CEP170: variants seen among roughly 807,000 people sequenced by gnomAD.
CEP170 encodes centrosomal protein 170.
Under a neutral mutation model 151.9 loss-of-function variants are expected in CEP170, and 21 were observed. The ratio of observed to expected loss-of-function variants is 0.14; its 90% CI spans 0.10 to 0.20. The LOEUF is 0.20. Among genes scored for constraint, CEP170 ranks in the 10% least tolerant of loss-of-function variants. The probability of loss-of-function intolerance (pLI) is 1.00; values close to 1 mark genes in which losing one functional copy is unlikely to be tolerated. For missense variants in CEP170, 964 were observed against 1,892.9 expected, an observed-to-expected ratio of 0.51 and a Z score of 9.11; for synonymous variants, 356 against 648.8, an observed-to-expected ratio of 0.55 and a Z score of 6.86.
intron 6 of CEP170, among the ~76,000 whole-genome samples, chr1:243,199,965 CTCTGAA>C (rs1467594966): frequency 6.6e-6 from 1 of 151,822 alleles, no homozygotes; most frequent in African/African-American, 2.4e-5. Context: ...ACAGTTAACC[CTCTGAA>C]TCTGTAGGTT....
intron 15 of CEP170, among the ~76,000 whole-genome samples, chr1:243,140,831 A>T (rs1333609163): frequency 1.3e-5 from 2 of 152,330 alleles, no homozygotes; most frequent in Non-Finnish European, 2.9e-5. Context: ...ACTGGGTCTG[A>T]GTGAATGTAT....
chr1:243,227,461 A>T (rs762507887), intron 1 of CEP170, among the ~76,000 whole-genome samples: 7 of 152,224 alleles, frequency 4.6e-5, no homozygotes, highest in Non-Finnish European at 1.0e-4. Flanking sequence ...AAACCACAGC[A>T]CTTTGGTATA....
intron 14 of CEP170, among the ~76,000 whole-genome samples, chr1:243,154,621 G>C (rs754869339): frequency 4.6e-5 from 7 of 152,172 alleles, no homozygotes; most frequent in Non-Finnish European, 1.0e-4. Context: ...CAAACTAGAG[G>C]GATAAGGCAT....
intron 10 of CEP170, among the ~76,000 whole-genome samples, chr1:243,175,679 A>G (rs1178701707): frequency 6.6e-6 from 1 of 152,176 alleles, no homozygotes; most frequent in African/African-American, 2.4e-5. Flanking sequence ...CTCACCTTTC[A>G]TTTTAGATTC....
In CEP170 at chr1:243,126,180, T is replaced by C. The variant is rs1234289911; in HGVS notation, c.*269A>G. 1 of 539,588 alleles carries C rather than the reference T, an allele frequency of 1.9e-6. No individual in the cohort carries two copies. The highest frequency in any genetic ancestry group is 3.5e-6 in the Non-Finnish European group (1 of 281,998). The allele number at this position is 539,588 out of a possible 1,614,324, so 33.4% of individuals were successfully genotyped here. ...TCTATGAAGGGAAAGGGTGTAATCATTAAATTCAATTTGAAAATCATAAAA... is the reference window on the plus strand; with the variant it reads ...TCTATGAAGGGAAAGGGTGTAATCACTAAATTCAATTTGAAAATCATAAAA... On this transcript the variant is annotated 3_prime_UTR_variant, in exon 20 of 20. Coordinates refer to ENST00000366542, the MANE Select transcript of CEP170 (RefSeq NM_014812.3).
chr1:243,227,356 C>T (rs1558649830), intron 1 of CEP170, among the ~76,000 whole-genome samples: 1 of 152,066 alleles, frequency 6.6e-6, no homozygotes, highest in Non-Finnish European at 1.5e-5. Flanking sequence ...CAAAATGTGT[C>T]TCTCAGTCAT....
chr1:243,168,975 T>C lies in CEP170; in HGVS notation c.1843+653A>G, dbSNP rs570965866. Among the ~76,000 whole-genome samples the C allele has an allele frequency of 1.5e-3, 213 of 139,726 alleles. 1 individual carries two copies. Among genetic ancestry groups the C allele is most frequent in the African/African-American group, 5.6e-3 (208 of 36,844 alleles). 91.7% of individuals were successfully genotyped at this position (139,726 alleles called of 152,430 possible). On this transcript the variant is annotated intron_variant, in intron 12 of 19. Transcript: ENST00000366542. ...GAAATCGTTTGGACCTGTCTTCAGCTTATTTTTAAATTTTAACTTATATAT... is the reference window on the plus strand; with the variant it reads ...GAAATCGTTTGGACCTGTCTTCAGCCTATTTTTAAATTTTAACTTATATAT...
chr1:243,127,974 T>C (rs1430320334), intron 19 of CEP170, among the ~76,000 whole-genome samples: 1 of 152,216 alleles, frequency 6.6e-6, no homozygotes, highest in Non-Finnish European at 1.5e-5. Context: ...TTATATGTAA[T>C]ACATAAAAAA....
Sources: gnomAD v4.1 joint callset for allele counts (sites outside exome capture counted in the v4.1 genomes callset) on GRCh38, gnomAD v4.1.1 for gene constraint, MANE v1.5 for transcripts, NCBI Gene and HGNC (gene_info 2026-07-23, HGNC 2026-07-21) for gene names.